RUFY2: variants seen among roughly 807,000 people sequenced by gnomAD.
RUFY2 encodes the protein RUN and FYVE domain-containing protein 2.
Under a neutral mutation model 94.4 loss-of-function variants are expected in RUFY2, and 49 were observed. That is an observed-to-expected ratio of 0.52 (90% CI 0.41 to 0.66). The LOEUF is 0.66. Among genes scored for constraint, RUFY2 ranks in the 30% least tolerant of loss-of-function variants. RUFY2 has a pLI of 0.00. For missense variants in RUFY2, 541 were observed against 692.8 expected, an observed-to-expected ratio of 0.78 and a Z score of 2.46; for synonymous variants, 255 against 235.7, an observed-to-expected ratio of 1.08 and a Z score of -0.75.
Position 68,405,333 on chromosome 10 carries a change from AG to A in RUFY2, c.5-490del, listed in dbSNP as rs1476881061. ...TCTCACAAAAAAAAAAAAAAGAAAA[AG>A]AAAGAAAGAAAGAAAAAAGAAAATT... On this transcript the variant is annotated intron_variant, in intron 1 of 17. Coordinates refer to ENST00000602465, the MANE Select transcript of RUFY2 (RefSeq NM_001330103.2). The A allele has an allele frequency of 4.1e-5, 13 of 319,344 alleles. No individual in the cohort carries two copies. The South Asian group carries it at 5.0e-4, about 12-fold the overall frequency. 19.8% of individuals were successfully genotyped at this position (319,344 alleles called of 1,614,324 possible).
At chr10:68,397,477 C>A (rs79225122) in intron 3 of RUFY2, among the ~76,000 whole-genome samples, 5,362 of 152,068 alleles carry the variant, frequency 0.035, 287 homozygotes, top group African/African-American at 0.12. Context: ...CACCTGTCAT[C>A]CCTACACTTT....
At chr10:68,341,835 T>G, downstream of RUFY2, 1 of 1,609,804 alleles carries the variant, frequency 6.2e-7, no homozygotes, top group Non-Finnish European at 8.5e-7. Flanking sequence ...GTACTCCTGA[T>G]GGTTTGGGTG....
At position 68,394,388 on chromosome 10, in the gene RUFY2, C is replaced by G; in HGVS notation, c.462G>C (p.Leu154=). ...EEEGAVIVGL[L]VGLNVIDANL... is the part of the protein sequence containing the mutation. Reference sequence around the variant, plus strand: ...TAGCATCGATCACATTCAGGCCAACCAGCAGCCCAACAATTACTGCTCCTT... The same window carrying G: ...TAGCATCGATCACATTCAGGCCAACGAGCAGCCCAACAATTACTGCTCCTT... The change falls in exon 5 of 18, where the codon CTG becomes CTC. Residue 154 remains leucine, a synonymous_variant. Coordinates refer to ENST00000602465, the MANE Select transcript of RUFY2 (RefSeq NM_001330103.2). 2 of 1,613,754 alleles carry G rather than the reference C, an allele frequency of 1.2e-6. No homozygotes were observed. Among genetic ancestry groups the G allele is most frequent in the Non-Finnish European group, 1.7e-6 (2 of 1,179,736 alleles).
At chr10:68,371,618 G>A (rs1426264512) in intron 13 of RUFY2, among the ~76,000 whole-genome samples, 2 of 150,652 alleles carry the variant, frequency 1.3e-5, no homozygotes, top group Non-Finnish European at 3.0e-5. Flanking sequence ...CAACATTCAC[G>A]GTATCAGAGG....
intron 13 of RUFY2, among the ~76,000 whole-genome samples, chr10:68,374,569 G>A (rs2048497341): frequency 6.6e-6 from 1 of 152,114 alleles, no homozygotes; most frequent in African/African-American, 2.4e-5. Context: ...CACAATTACA[G>A]TTGGATATTT....
Position 68,393,194 on chromosome 10 carries a change from T to G in RUFY2, c.594A>C (p.Gln198His). 6.4e-7 allele frequency: 1 copy of G among 1,557,426 alleles called. No homozygotes were observed. The highest frequency in any genetic ancestry group is 8.8e-7 in the Non-Finnish European group (1 of 1,138,576). ...TCTTTTGGTCTAATATGGCAGCAATTTGAACATTCCTAAATGAGGAAAAAA... is the reference window on the plus strand; with the variant it reads ...TCTTTTGGTCTAATATGGCAGCAATGTGAACATTCCTAAATGAGGAAAAAA... The part of the protein sequence containing the change: ...EDIGNKERNV[Q>H]IAAILDQKNY... Residue 198 changes from glutamine to histidine, a missense_variant, in exon 7 of 18, where the codon CAA (glutamine) becomes CAC (histidine). Physicochemically the swap from Gln to His is conservative, Grantham distance 24. Transcript: ENST00000602465.
intron 12 of RUFY2, chr10:68,378,459 C>A: frequency 7.5e-7 from 1 of 1,334,206 alleles, no homozygotes; most frequent in South Asian, 2.2e-5. Flanking sequence ...GGGTTCCTAA[C>A]ATCCTTTTAG....
intron 10 of RUFY2, 50 bp downstream of exon 10, chr10:68,383,748 T>A: frequency 7.9e-7 from 1 of 1,273,434 alleles, no homozygotes; most frequent in Non-Finnish European, 1.1e-6. Flanking sequence ...TGCTTGAGGG[T>A]AAATTACTCC....
chr10:68,392,289 T>C (rs1270749702), intron 7 of RUFY2, among the ~76,000 whole-genome samples: 1 of 152,122 alleles, frequency 6.6e-6, no homozygotes, highest in African/African-American at 2.4e-5. Flanking sequence ...CGCCTCGGCC[T>C]TCCAAAGTGG....
intron 8 of RUFY2, among the ~76,000 whole-genome samples, chr10:68,385,012 C>T (rs1314430137): frequency 1.3e-5 from 2 of 152,046 alleles, no homozygotes; most frequent in African/African-American, 4.8e-5. Flanking sequence ...ACCTGTAATC[C>T]CAGTACTTTG....
At chr10:68,366,764 T>TATATATATA (rs1564801490) in intron 13 of RUFY2, among the ~76,000 whole-genome samples, 2 of 123,458 alleles carry the variant, frequency 1.6e-5, no homozygotes, top group East Asian at 4.7e-4. Flanking sequence ...ATATATAATA[T>TATATATATA]TAAATATATT....
intron 1 of RUFY2, among the ~76,000 whole-genome samples, chr10:68,406,492 G>A (rs1489044580): frequency 1.3e-5 from 2 of 152,176 alleles, no homozygotes; most frequent in East Asian, 1.9e-4. Flanking sequence ...TGCAGCTGCT[G>A]GGAGGCAGAT....
intron 13 of RUFY2, among the ~76,000 whole-genome samples, chr10:68,376,489 T>TACATATATATATTC (rs2048682089): frequency 3.9e-5 from 2 of 51,816 alleles, no homozygotes; most frequent in Admixed American, 5.6e-4. Context: ...TATATATATA[T>TACATATATATATTC]ATTCTCAGAA....
rs745945698 is a variant in RUFY2, at chr10:68,384,097, C to A, written c.776G>T (p.Arg259Leu). 4.3e-6 allele frequency: 7 copies of A among 1,612,728 alleles called. No individual in the cohort carries two copies. In the Admixed American group the frequency reaches 1.2e-4, roughly 27 times the overall value. Residue 259 changes from arginine (R) to leucine (L), a missense_variant, in exon 9 of 18, where the codon CGA becomes CTA. Physicochemically the swap from Arg to Leu is moderately radical, Grantham distance 102 (BLOSUM62 -2). Coordinates refer to ENST00000602465, the MANE Select transcript of RUFY2 (RefSeq NM_001330103.2). Reference protein sequence around the residue: ...IKLQEENHQLRSENKLILMKT... With the variant: ...IKLQEENHQLLSENKLILMKT... ...CATTAAAATCAATTTATTTTCACTT[C>A]GTAATTGATGATTTTCTTCCTGGAG...
Position 68,383,832 on chromosome 10 carries a change from C to G in RUFY2, c.905G>C (p.Arg302Thr). Residue 302 changes from arginine to threonine, a missense_variant, in exon 10 of 18, where the codon AGA becomes ACA. By Grantham distance (71) the Arg-to-Thr change is moderately conservative (BLOSUM62 -1). Around this residue, in one of 3 missense-constraint regions of RUFY2, gnomAD observed 403 missense variants for 480.7 expected, o/e 0.84. Transcript: ENST00000602465. ...CTGAGATTCATCTCGAAGCTGCCTT[C>G]TGGCTTCATTGTACATTTCATCTAG... ...QGLDEMYNEA[R>T]RQLRDESQLR... 6.2e-7 allele frequency: 1 copy of G among 1,613,784 alleles called. No individual in the cohort carries two copies. Among genetic ancestry groups the G allele is most frequent in the Non-Finnish European group, 8.5e-7 (1 of 1,179,784 alleles).
At chr10:68,356,371 T>A (rs2047056439) in intron 15 of RUFY2, among the ~76,000 whole-genome samples, 1 of 151,738 alleles carries the variant, frequency 6.6e-6, no homozygotes, top group Admixed American at 6.6e-5. Flanking sequence ...CTGGAAATAG[T>A]GGTGCACGCC....
chr10:68,404,443 A>G (rs1488394203), intron 2 of RUFY2, among the ~76,000 whole-genome samples: 2 of 152,236 alleles, frequency 1.3e-5, no homozygotes, highest in African/African-American at 4.8e-5. Context: ...AAATTAAAAA[A>G]TCAAATATTC....
At chr10:68,347,278 C>CTTT (rs66465620) in intron 16 of RUFY2, among the ~76,000 whole-genome samples, 18 of 86,546 alleles carry the variant, frequency 2.1e-4, no homozygotes, top group East Asian at 4.3e-4. Flanking sequence ...CAACTTGACC[C>CTTT]TTTTTTTTTT....
At chr10:68,343,093 A>G (rs2046062027), downstream of RUFY2, 1 of 152,170 alleles carries the variant, frequency 6.6e-6, no homozygotes, top group Non-Finnish European at 1.5e-5. Context: ...CAAATTGGCT[A>G]ATGGATCAAA....
Sources: gnomAD v4.1 joint callset for allele counts (sites outside exome capture counted in the v4.1 genomes callset) on GRCh38, gnomAD v4.1.1 for gene constraint, gnomAD v4.1.1 regional missense constraint, MANE v1.5 for transcripts, NCBI Gene and HGNC (gene_info 2026-07-23, HGNC 2026-07-21) for gene names.